Variants in MYOC observed in about 807,000 individuals in gnomAD.
MYOC encodes myocilin.
A neutral mutation model predicts 28.2 loss-of-function variants in MYOC; 29 were observed. The ratio of observed to expected loss-of-function variants is 1.03; its 90% CI spans 0.77 to 1.40. MYOC has a LOEUF of 1.40. Ranked by LOEUF, MYOC falls within the 40% of genes most tolerant of loss-of-function variation. The pLI is 0.00. For synonymous variants in MYOC, 240 were observed against 245.6 expected (o/e 0.98, Z 0.21); for missense variants, 569 against 620.6 (o/e 0.92, Z 0.88).
At chr1:171,646,114 A>C (rs1653195156) in intron 1 of MYOC, among the ~76,000 whole-genome samples, 1 of 152,254 alleles carries the variant, frequency 6.6e-6, no homozygotes. Context: ...GCCATCTGGC[A>C]TGCGGGTGGA....
At chr1:171,648,567 G>A (rs1572215719) in intron 1 of MYOC, among the ~76,000 whole-genome samples, 1 of 144,542 alleles carries the variant, frequency 6.9e-6, no homozygotes, top group South Asian at 2.2e-4. Flanking sequence ...AAACAAAGCA[G>A]TCCTTCTCTT....
chr1:171,642,777 C>T (rs1211445800), intron 1 of MYOC, among the ~76,000 whole-genome samples: 1 of 151,602 alleles, frequency 6.6e-6, no homozygotes, highest in Non-Finnish European at 1.5e-5. Flanking sequence ...AGCTATTTAT[C>T]CATCCTTTTA....
At chr1:171,650,951 T>C (rs1653337381) in intron 1 of MYOC, among the ~76,000 whole-genome samples, 1 of 152,184 alleles carries the variant, frequency 6.6e-6, no homozygotes, top group African/African-American at 2.4e-5. Context: ...AACCACAGTA[T>C]CATTATCTCA....
chr1:171,640,921 A>T (rs1242400136), intron 1 of MYOC, among the ~76,000 whole-genome samples: 1 of 152,226 alleles, frequency 6.6e-6, no homozygotes, highest in Non-Finnish European at 1.5e-5. Flanking sequence ...TGACTAGGTG[A>T]GGCACAGACG....
At position 171,652,670 on chromosome 1, in the gene MYOC, T is replaced by C; in HGVS notation, c.-59A>G. 1 of 1,609,666 alleles carries C rather than the reference T, an allele frequency of 6.2e-7. No homozygotes were observed. The highest frequency in any genetic ancestry group is 8.5e-7 in the Non-Finnish European group (1 of 1,179,270). ...TCTGCTGTGCTGAGAGGTGCCTGGA[T>C]GGGTGGCCTTGCTGGCTCATGCCCG... On this transcript the variant is annotated 5_prime_UTR_variant, in exon 1 of 3. Transcript: ENST00000037502.
At chr1:171,643,282 G>C (rs1653120778) in intron 1 of MYOC, 1 of 152,340 alleles carries the variant, frequency 6.6e-6, no homozygotes, top group African/African-American at 2.4e-5. Flanking sequence ...CTGCCTATGG[G>C]GGAGAGGGAC....
rs1652905889 is a variant in MYOC at position 171,635,888 on chromosome 1, T to A, written c.*37A>T. ...CTGCTCCCCCCAGGAGCCCTGAGCA[T>A]CTCCTTCTGCCATTGCCTGTACAGC... On this transcript the variant is annotated 3_prime_UTR_variant, in exon 3 of 3. Coordinates refer to ENST00000037502, the MANE Select transcript of MYOC (RefSeq NM_000261.2). 6.2e-7 allele frequency: 1 copy of A among 1,611,150 alleles called. No individual in the cohort carries two copies. The highest frequency in any genetic ancestry group is 1.3e-5 in the African/African-American group (1 of 75,002).
intron 1 of MYOC, among the ~76,000 whole-genome samples, chr1:171,650,283 A>G (rs866405961): frequency 1.6e-4 from 24 of 152,164 alleles, no homozygotes; most frequent in African/African-American, 5.6e-4. Context: ...AGTCTGAAAT[A>G]AGTAATGCCT....
chr1:171,636,343 T>C lies in MYOC; in HGVS notation c.1097A>G (p.His366Arg), dbSNP rs747174989. Residue 366 changes from histidine (H) to arginine (R), a missense_variant, in exon 3 of 3, where the codon CAC becomes CGC. Physicochemically the swap from His to Arg is conservative, Grantham distance 29 (BLOSUM62 0). Transcript: ENST00000037502. The part of the protein sequence containing the change: ...AEKEIPGAGY[H>R]GQFPYSWGGY... Reference sequence around the variant, plus strand: ...ACCCCAAGAATACGGGAACTGTCCGTGGTAGCCAGCTCCAGGGATTTCCTT... The same window carrying C: ...ACCCCAAGAATACGGGAACTGTCCGCGGTAGCCAGCTCCAGGGATTTCCTT... 6.2e-7 allele frequency: 1 copy of C among 1,614,016 alleles called. No individual in the cohort carries two copies. The highest frequency in any genetic ancestry group is 8.5e-7 in the Non-Finnish European group (1 of 1,180,010).
rs61730977 is a variant in MYOC, at chr1:171,652,135, T to C, written c.477A>G (p.Leu159=). Residue 159 remains leucine (L), a synonymous_variant, in exon 1 of 3, where the codon CTA becomes CTG. Transcript: ENST00000037502. ...KSVLEEEKKR[L]RQENENLARR... ...TGGCCAGATTCTCATTTTCTTGCCT[T>C]AGTCGCTTCTTCTCTTCCTCCAGAA... is the stretch of plus-strand genomic sequence containing the variant. 6,527 of 1,614,148 alleles carry C rather than the reference T, an allele frequency of 4.0e-3. 232 individuals carry two copies. The African/African-American group carries it at 0.073, about 18-fold the overall frequency.
chr1:171,638,540 C>A, intron 2 of MYOC, 57 bp downstream of exon 2: 1 of 1,604,038 alleles, frequency 6.2e-7, no homozygotes, highest in South Asian at 1.1e-5. Flanking sequence ...CTGAACACAG[C>A]ACTAGACATG....
rs750333892 is a variant in MYOC, at chr1:171,636,639, A to G, written c.801T>C (p.Tyr267=). The G allele has an allele frequency of 2.7e-5, 44 of 1,611,794 alleles. No homozygotes were observed. Among genetic ancestry groups the G allele is most frequent in the Middle Eastern group, 3.3e-4 (2 of 6,062 alleles). ...LRTAETITGK[Y]GVWMRDPKPT... Reference sequence around the variant, plus strand: ...GCTTGGGGTCTCGCATCCACACACCATACTTGCCAGTAATTGTTTCTGCTG... The same window carrying G: ...GCTTGGGGTCTCGCATCCACACACCGTACTTGCCAGTAATTGTTTCTGCTG... Residue 267 remains tyrosine, a synonymous_variant, in exon 3 of 3, where the codon TAT becomes TAC. Transcript: ENST00000037502.
intron 1 of MYOC, among the ~76,000 whole-genome samples, chr1:171,651,338 C>A (rs575616422): frequency 2.1e-5 from 3 of 146,078 alleles, no homozygotes; most frequent in South Asian, 2.2e-4. Context: ...ACACCTCACC[C>A]CCGCACCCCC....
chr1:171,636,321 C>G lies in MYOC; in HGVS notation c.1119G>C (p.Trp373Cys). ...AGYHGQFPYS[W>C]GGYTDIDLAV... ...CCAAGTCAATGTCCGTGTAGCCACC[C>G]CAAGAATACGGGAACTGTCCGTGGT... The change falls in exon 3 of 3, where the codon TGG (tryptophan) becomes TGC (cysteine). Residue 373 changes from tryptophan (W) to cysteine (C), a missense_variant. Trp to Cys is a radical substitution (Grantham distance 215, BLOSUM62 -2). Coordinates refer to ENST00000037502, the MANE Select transcript of MYOC (RefSeq NM_000261.2). 6.2e-7 allele frequency: 1 copy of G among 1,614,014 alleles called. No individual in the cohort carries two copies. Among genetic ancestry groups the G allele is most frequent in the Non-Finnish European group, 8.5e-7 (1 of 1,179,996 alleles).
At chr1:171,644,979 T>C (rs1406486561) in intron 1 of MYOC, among the ~76,000 whole-genome samples, 3 of 152,198 alleles carry the variant, frequency 2.0e-5, no homozygotes, top group African/African-American at 7.2e-5. Context: ...TCTTCCATCC[T>C]GTGCTGAGGA....
At chr1:171,643,931 A>G (rs1170669300) in intron 1 of MYOC, among the ~76,000 whole-genome samples, 1 of 141,162 alleles carries the variant, frequency 7.1e-6, no homozygotes, top group African/African-American at 2.7e-5. Flanking sequence ...AGATTGTGCC[A>G]TTGGACTCCA....
At chr1:171,642,423 G>A (rs1037072618) in intron 1 of MYOC, among the ~76,000 whole-genome samples, 1 of 152,056 alleles carries the variant, frequency 6.6e-6, no homozygotes, top group Non-Finnish European at 1.5e-5. Flanking sequence ...GACCAGGCTG[G>A]GCAACATAGC....
intron 1 of MYOC, among the ~76,000 whole-genome samples, chr1:171,646,636 A>G (rs572926589): frequency 4.6e-5 from 7 of 151,792 alleles, no homozygotes; most frequent in Admixed American, 1.3e-4. Flanking sequence ...AGCTGGGACT[A>G]CAGGTGCCTG....
intron 2 of MYOC, 27 bp downstream of exon 2, chr1:171,638,570 C>G: frequency 1.2e-6 from 2 of 1,613,494 alleles, no homozygotes; most frequent in East Asian, 2.2e-5. Flanking sequence ...CACGTGGGCA[C>G]AAAAGGGAAG....
Sources: allele counts gnomAD v4.1 joint callset (sites outside exome capture counted in the v4.1 genomes callset), GRCh38; gene constraint gnomAD v4.1.1; transcripts MANE v1.5; gene names NCBI Gene and HGNC (gene_info 2026-07-23, HGNC 2026-07-21).